The following RASA1 variants were observed in gnomAD, a reference collection of about 807,000 sequenced individuals.
RASA1 encodes the protein ras GTPase-activating protein 1.
RASA1 carries 25 observed loss-of-function variants against 132.2 expected under a neutral mutation model. The observed-to-expected ratio is 0.19, with a 90% CI of 0.14 to 0.26. The LOEUF (loss-of-function observed/expected upper bound fraction) is 0.26, where lower values mean the gene tolerates loss of function less well. RASA1 is among the 10% of genes least tolerant of loss of function. The pLI is 1.00. For synonymous variants in RASA1, 477 were observed against 449.9 expected (o/e 1.06, Z -0.76); for missense variants, 964 against 1,299.2 (o/e 0.74, Z 3.97).
rs199882718 is a variant in RASA1 at position 87,280,926 on chromosome 5, C to CT, written c.539+11949dup. On this transcript the variant is annotated intron_variant, in intron 1 of 24. Coordinates refer to ENST00000274376, the MANE Select transcript of RASA1 (RefSeq NM_002890.3). The stretch of plus-strand genomic sequence containing the variant: ...GCCTGCCACCACGCCTGGCTAATTT[C>CT]TTTTTTTTTTTTTGAGGCTGAATAA... Among the ~76,000 whole-genome samples the CT allele has an allele frequency of 0.03, 4,262 of 140,282 alleles. 435 individuals carry two copies. In the East Asian group the frequency reaches 0.39, roughly 13 times the overall value. The allele number at this position is 140,282 out of a possible 152,430, so 92.0% of individuals were successfully genotyped here. A position where few individuals can be genotyped will look rare whatever the true frequency, so the allele number is the denominator to read the frequency against.
At chr5:87,332,860 G>T (rs901220039) in intron 3 of RASA1, among the ~76,000 whole-genome samples, 2 of 151,876 alleles carry the variant, frequency 1.3e-5, no homozygotes, top group Admixed American at 6.6e-5. Context: ...CAGATTAAAA[G>T]AAAATACTGT....
At chr5:87,356,749 A>G (rs756073756) in intron 9 of RASA1, among the ~76,000 whole-genome samples, 1 of 152,182 alleles carries the variant, frequency 6.6e-6, no homozygotes, top group Non-Finnish European at 1.5e-5. Flanking sequence ...CACACTTAGT[A>G]GACTACAGTA....
chr5:87,330,102 A>G (rs1179692754), intron 1 of RASA1, among the ~76,000 whole-genome samples: 1 of 152,158 alleles, frequency 6.6e-6, no homozygotes, highest in African/African-American at 2.4e-5. Flanking sequence ...ATGGAACGCT[A>G]TAAATAAGTT....
Position 87,275,548 on chromosome 5 carries a change from G to A in RASA1, c.539+6558G>A, listed in dbSNP as rs545245750. Among the ~76,000 whole-genome samples the A allele has an allele frequency of 4.0e-5, 6 of 151,498 alleles. No homozygotes were observed. The South Asian group carries it at 6.3e-4, about 16-fold the overall frequency. ...TTCCCTCTCTCTTCCTACCCATGTC[G>A]TCTCTCCACTTGAAGAAGGTTGGCC... is the stretch of plus-strand genomic sequence containing the variant. On this transcript the variant is annotated intron_variant, in intron 1 of 24. Transcript: ENST00000274376.
chr5:87,374,939 T>C, intron 15 of RASA1, 23 bp downstream of exon 15: 1 of 1,595,046 alleles, frequency 6.3e-7, no homozygotes, highest in Non-Finnish European at 8.5e-7. Flanking sequence ...AGAAACTTTC[T>C]AAAATAGAAA....
intron 1 of RASA1, among the ~76,000 whole-genome samples, chr5:87,286,979 A>G (rs1050037983): frequency 6.7e-6 from 1 of 149,202 alleles, no homozygotes; most frequent in South Asian, 2.1e-4. Context: ...CCATATATAT[A>G]CCATATATAC....
At chr5:87,318,705 A>G (rs1459835733) in intron 1 of RASA1, 1 of 152,212 alleles carries the variant, frequency 6.6e-6, no homozygotes, top group Non-Finnish European at 1.5e-5. Flanking sequence ...ACAATTCAAC[A>G]TGAGATTTGG....
At chr5:87,386,077 A>G (rs1387291216) in intron 22 of RASA1, among the ~76,000 whole-genome samples, 2 of 152,018 alleles carry the variant, frequency 1.3e-5, no homozygotes, top group African/African-American at 4.8e-5. Context: ...ATTGCTCCTC[A>G]CAGCCTTGCC....
At chr5:87,325,642 T>C (rs1408909526) in intron 1 of RASA1, among the ~76,000 whole-genome samples, 2 of 152,224 alleles carry the variant, frequency 1.3e-5, no homozygotes, top group Non-Finnish European at 2.9e-5. Context: ...CTGTCAGTAA[T>C]ATAACCAAAA....
chr5:87,337,862 C>A, intron 4 of RASA1, 112 bp from the exon 5 acceptor site: 3 of 1,156,728 alleles, frequency 2.6e-6, no homozygotes, highest in Admixed American at 3.0e-5. Flanking sequence ...GACTCTAATT[C>A]CTTACATTTT....
Position 87,268,722 on chromosome 5 carries a change from A to C in RASA1, c.271A>C (p.Thr91Pro), listed in dbSNP as rs1451305121. The change falls in exon 1 of 25, where the codon ACT (threonine) becomes CCT (proline). Residue 91 changes from threonine to proline, a missense_variant. Thr to Pro is a conservative substitution (Grantham distance 38, BLOSUM62 -1). Around this residue, in one of 6 missense-constraint regions of RASA1, gnomAD observed 326 missense variants for 275.8 expected, o/e 1.18. Coordinates refer to ENST00000274376, the MANE Select transcript of RASA1 (RefSeq NM_002890.3). ...GGGAGCTGGACTGACAGGGGGAGGT[A>C]CTGCTGCTGGCGTAGCTGGTGCTGC... ...LGGAGLTGGG[T>P]AAGVAGAAAG... The C allele has an allele frequency of 1.2e-6, 2 of 1,612,624 alleles. No homozygotes were observed. The highest frequency in any genetic ancestry group is 1.7e-6 in the Non-Finnish European group (2 of 1,179,412).
intron 1 of RASA1, among the ~76,000 whole-genome samples, chr5:87,287,752 T>TATATGTACACGCCATA (rs199741231): frequency 4.4e-5 from 1 of 22,820 alleles, no homozygotes; most frequent in Non-Finnish European, 7.6e-5. Flanking sequence ...AGATATACCA[T>TATATGTACACGCCATA]TATGTACACG....
intron 1 of RASA1, among the ~76,000 whole-genome samples, chr5:87,319,437 C>T (rs977426021): frequency 6.6e-6 from 1 of 152,220 alleles, no homozygotes; most frequent in Non-Finnish European, 1.5e-5. Context: ...CCTCTGAAAT[C>T]AAGGTGGAGG....
At chr5:87,294,534 C>T (rs1445910477) in intron 1 of RASA1, 2 of 152,174 alleles carry the variant, frequency 1.3e-5, no homozygotes, top group African/African-American at 4.8e-5. Context: ...ATAAGTTTTC[C>T]TCCAAGCACT....
rs188987898 is a variant in RASA1, at chr5:87,388,549, G to A, written c.2926-844G>A. Reference sequence around the variant, plus strand: ...GTATACTGCAAATATTCCAAAATCCGAAACACTTCTGGTCTCAAGCATTTT... The same window carrying A: ...GTATACTGCAAATATTCCAAAATCCAAAACACTTCTGGTCTCAAGCATTTT... On this transcript the variant is annotated intron_variant, in intron 23 of 24. Coordinates refer to ENST00000274376, the MANE Select transcript of RASA1 (RefSeq NM_002890.3). Among the ~76,000 whole-genome samples, 477 of 152,228 alleles carry A rather than the reference G, an allele frequency of 3.1e-3. 1 individual carries two copies. The highest frequency in any genetic ancestry group is 0.011 in the African/African-American group (445 of 41,546).
intron 20 of RASA1, among the ~76,000 whole-genome samples, chr5:87,380,953 T>G (rs933600785): frequency 7.2e-5 from 11 of 152,164 alleles, no homozygotes; most frequent in African/African-American, 2.2e-4. Flanking sequence ...AATTGACCGA[T>G]TTAGATATTA....
At position 87,333,088 on chromosome 5, in the gene RASA1, C is replaced by T. The variant is rs1757712629; in HGVS notation, c.829-179C>T. 2.0e-5 allele frequency among the ~76,000 whole-genome samples: 3 copies of T among 151,926 alleles called. No individual in the cohort carries two copies. In the South Asian group the frequency reaches 6.2e-4, roughly 31 times the overall value. The stretch of plus-strand genomic sequence containing the variant: ...ATTTAAAATATGATTTTCATAAAAA[C>T]AGGAACAACAAAAAAGCCTTTCTAG... On this transcript the variant is annotated intron_variant, in intron 3 of 24. Transcript: ENST00000274376.
At chr5:87,283,971 A>T (rs1754432321) in intron 1 of RASA1, among the ~76,000 whole-genome samples, 1 of 152,136 alleles carries the variant, frequency 6.6e-6, no homozygotes, top group Non-Finnish European at 1.5e-5. Context: ...ATGAGCTTTG[A>T]TACTTCTGTG....
chr5:87,278,342 C>T (rs1047025334), intron 1 of RASA1, among the ~76,000 whole-genome samples: 5 of 150,634 alleles, frequency 3.3e-5, no homozygotes, highest in African/African-American at 1.2e-4. Context: ...GTCAGGAGAT[C>T]GAGACCATCC....
Sources: allele counts gnomAD v4.1 joint callset (sites outside exome capture counted in the v4.1 genomes callset), GRCh38; gene constraint gnomAD v4.1.1; regional missense constraint gnomAD v4.1.1; transcripts MANE v1.5; gene names NCBI Gene and HGNC (gene_info 2026-07-23, HGNC 2026-07-21).